Variants in B3GALT1 observed in about 807,000 individuals in gnomAD.
B3GALT1 encodes the protein beta-1,3-galactosyltransferase 1.
Under a neutral mutation model 23.2 loss-of-function variants are expected in B3GALT1, and 10 were observed. The ratio of observed to expected loss-of-function variants is 0.43; its 90% confidence interval spans 0.27 to 0.73. B3GALT1 has a LOEUF of 0.73. Ranked by LOEUF, B3GALT1 falls within the 30% of genes least tolerant of loss-of-function variation. The pLI is 0.21. For missense variants in B3GALT1, 299 were observed against 405.4 expected, an observed-to-expected ratio of 0.74 and a Z score of 2.25; for synonymous variants, 156 against 141.5, an observed-to-expected ratio of 1.10 and a Z score of -0.73.
At chr2:167,403,843 T>C (rs535151868) in intron 1 of B3GALT1, among the ~76,000 whole-genome samples, 1 of 152,162 alleles carries the variant, frequency 6.6e-6, no homozygotes, top group African/African-American at 2.4e-5. Context: ...TCTTTAAAAA[T>C]AGTGTGAATG....
chr2:167,523,655 C>T (rs1464994930), intron 2 of B3GALT1, among the ~76,000 whole-genome samples: 1 of 152,134 alleles, frequency 6.6e-6, no homozygotes, highest in African/African-American at 2.4e-5. Context: ...GAACACCTAA[C>T]CTCAGGTGAT....
intron 1 of B3GALT1, among the ~76,000 whole-genome samples, chr2:167,462,084 A>G (rs147018025): frequency 6.6e-6 from 1 of 152,206 alleles, no homozygotes; most frequent in Non-Finnish European, 1.5e-5. Context: ...CACAATACAC[A>G]CCATTGTATA....
intron 3 of B3GALT1, among the ~76,000 whole-genome samples, chr2:167,745,982 T>A (rs1314440761): frequency 2.0e-5 from 3 of 152,218 alleles, no homozygotes; most frequent in Non-Finnish European, 4.4e-5. Context: ...TCTCATTTTC[T>A]TATGTCTACA....
chr2:167,832,779 C>T (rs1018331109), intron 4 of B3GALT1, among the ~76,000 whole-genome samples: 5 of 152,188 alleles, frequency 3.3e-5, no homozygotes, highest in African/African-American at 1.2e-4. Flanking sequence ...TCACAATCTT[C>T]AAAAGTTCTA....
intron 3 of B3GALT1, among the ~76,000 whole-genome samples, chr2:167,738,795 A>ATGCT (rs1466761450): frequency 1.5e-5 from 2 of 129,672 alleles, no homozygotes; most frequent in African/African-American, 2.7e-5. Context: ...TGTTCTTTGT[A>ATGCT]TACTTTTGTG....
At chr2:167,803,433 T>G (rs903023167) in intron 3 of B3GALT1, among the ~76,000 whole-genome samples, 1 of 152,116 alleles carries the variant, frequency 6.6e-6, no homozygotes. Context: ...GCTGTGGCAG[T>G]GGTATAGTGT....
intron 1 of B3GALT1, among the ~76,000 whole-genome samples, chr2:167,462,247 C>T (rs578181723): frequency 2.2e-4 from 34 of 151,930 alleles, no homozygotes; most frequent in African/African-American, 8.2e-4. Context: ...TAATAATGGC[C>T]ATCTTTAGCA....
At chr2:167,659,746 G>C (rs1686022825) in intron 3 of B3GALT1, among the ~76,000 whole-genome samples, 1 of 151,984 alleles carries the variant, frequency 6.6e-6, no homozygotes, top group Non-Finnish European at 1.5e-5. Context: ...CTCCTTTGCA[G>C]GGAGACACTA....
intron 2 of B3GALT1, among the ~76,000 whole-genome samples, chr2:167,641,860 A>G (rs150232884): frequency 4.9e-4 from 75 of 152,288 alleles, no homozygotes; most frequent in African/African-American, 1.8e-3. Context: ...TCTTATGACT[A>G]TTCAACTTGT....
chr2:167,522,993 T>G (rs2052982), intron 2 of B3GALT1, among the ~76,000 whole-genome samples: 59,033 of 151,842 alleles, frequency 0.39, 12,506 homozygotes, highest in East Asian at 0.88. Flanking sequence ...CATAGTAGTG[T>G]AAGTGGTAAA....
intron 2 of B3GALT1, among the ~76,000 whole-genome samples, chr2:167,579,325 A>G (rs1202843416): frequency 6.6e-6 from 1 of 151,892 alleles, no homozygotes; most frequent in Admixed American, 6.6e-5. Flanking sequence ...TCTATTTAAA[A>G]TTTTTATAAT....
chr2:167,408,706 A>G (rs954893831), intron 1 of B3GALT1, among the ~76,000 whole-genome samples: 1 of 152,032 alleles, frequency 6.6e-6, no homozygotes, highest in Non-Finnish European at 1.5e-5. Flanking sequence ...GCAAACAATC[A>G]GAAAAAAATC....
At chr2:167,658,619 T>A (rs1023885063) in intron 3 of B3GALT1, among the ~76,000 whole-genome samples, 22 of 152,070 alleles carry the variant, frequency 1.4e-4, no homozygotes, top group African/African-American at 5.3e-4. Flanking sequence ...GGCTTTTAAT[T>A]TTTTTGGACT....
At chr2:167,684,695 G>T (rs992615370) in intron 3 of B3GALT1, among the ~76,000 whole-genome samples, 1 of 152,180 alleles carries the variant, frequency 6.6e-6, no homozygotes, top group Non-Finnish European at 1.5e-5. Context: ...TAGCCACATA[G>T]CATTTTTCCT....
At chr2:167,612,709 G>A (rs1466363254) in intron 2 of B3GALT1, among the ~76,000 whole-genome samples, 1 of 151,724 alleles carries the variant, frequency 6.6e-6, no homozygotes, top group Non-Finnish European at 1.5e-5. Context: ...TTAAAAAATT[G>A]TAAAGAATAT....
intron 2 of B3GALT1, among the ~76,000 whole-genome samples, chr2:167,542,358 A>G (rs1683547210): frequency 6.6e-6 from 1 of 152,134 alleles, no homozygotes; most frequent in African/African-American, 2.4e-5. Context: ...TTAACTTTCT[A>G]CAATGGGGAA....
At chr2:167,303,932 A>G (rs1696502804) in intron 1 of B3GALT1, among the ~76,000 whole-genome samples, 1 of 152,088 alleles carries the variant, frequency 6.6e-6, no homozygotes, top group South Asian at 2.1e-4. Context: ...GATGGAAAGG[A>G]TGCTTTCACT....
chr2:167,828,029 G>C (rs1463161102), intron 4 of B3GALT1, among the ~76,000 whole-genome samples: 1 of 152,254 alleles, frequency 6.6e-6, no homozygotes, highest in Middle Eastern at 3.4e-3. Flanking sequence ...TTAAGTAAGG[G>C]TTTATTTCCC....
At chr2:167,528,891 G>C (rs1260786973) in intron 2 of B3GALT1, among the ~76,000 whole-genome samples, 1 of 151,916 alleles carries the variant, frequency 6.6e-6, no homozygotes, top group Non-Finnish European at 1.5e-5. Flanking sequence ...CTTGATCTTG[G>C]GTCTGCTTCT....
Sources: allele counts gnomAD v4.1 joint callset (sites outside exome capture counted in the v4.1 genomes callset), GRCh38; gene constraint gnomAD v4.1.1; transcripts MANE v1.5; gene names NCBI Gene and HGNC (gene_info 2026-07-23, HGNC 2026-07-21).